Variants in CFTR observed in about 807,000 individuals in gnomAD.
The protein encoded by CFTR is cystic fibrosis transmembrane conductance regulator.
In CFTR, 181 loss-of-function variants were observed where a neutral mutation model predicts 171.6. That is an observed-to-expected ratio of 1.05 (90% CI 0.93 to 1.19). The LOEUF is 1.19. CFTR is among the 50% of genes most tolerant of loss of function. The pLI is 0.00. For missense variants in CFTR, 1,968 were observed against 1,734.7 expected (o/e 1.13, Z -2.39); for synonymous variants, 583 against 608.0 (o/e 0.96, Z 0.60).
intron 11 of CFTR, among the ~76,000 whole-genome samples, chr7:117,572,669 T>A (rs213934): frequency 6.6e-6 from 1 of 151,956 alleles, no homozygotes; most frequent in African/African-American, 2.4e-5. Flanking sequence ...TTCTTTCTAC[T>A]TGTTCCCTCT....
chr7:117,624,793 T>C (rs1426693560), intron 21 of CFTR, among the ~76,000 whole-genome samples: 1 of 152,178 alleles, frequency 6.6e-6, no homozygotes, highest in Non-Finnish European at 1.5e-5. Flanking sequence ...TCCTTAGGCT[T>C]TGGCTTTTGG....
In CFTR at chr7:117,587,759, G is replaced by A. The variant is rs1328112832; in HGVS notation, c.1605G>A (p.Glu535=). 1.9e-6 allele frequency: 3 copies of A among 1,610,222 alleles called. No individual in the cohort carries two copies. Among genetic ancestry groups the A allele is most frequent in the South Asian group, 1.1e-5 (1 of 91,018 alleles). ...QLEEDISKFA[E]KDNIVLGEGG... ...AATAGGACATCTCCAAGTTTGCAGA[G>A]AAAGACAATATAGTTCTTGGAGAAG... The change falls in exon 12 of 27, where the codon GAG becomes GAA. Residue 535 remains glutamate, a synonymous_variant. Coordinates refer to ENST00000003084, the MANE Select transcript of CFTR (RefSeq NM_000492.4).
intron 1 of CFTR, among the ~76,000 whole-genome samples, chr7:117,493,957 A>G (rs1314722829): frequency 1.3e-5 from 2 of 152,130 alleles, no homozygotes; most frequent in South Asian, 2.1e-4. Flanking sequence ...AACATAAACA[A>G]ATGAAGGTGA....
chr7:117,550,469 T>G (rs1216870175), intron 10 of CFTR, among the ~76,000 whole-genome samples: 2 of 152,216 alleles, frequency 1.3e-5, no homozygotes, highest in African/African-American at 4.8e-5. Flanking sequence ...AACATTTTCT[T>G]TCTTAAAATG....
chr7:117,574,071 T>C (rs3808184), intron 11 of CFTR, among the ~76,000 whole-genome samples: 53,250 of 151,856 alleles, frequency 0.35, 9,584 homozygotes, highest in South Asian at 0.42. Flanking sequence ...TATACTTTCA[T>C]GGAAGGGAAG....
chr7:117,665,701 T>C, intron 26 of CFTR, 137 bp downstream of exon 26: 2 of 694,284 alleles, frequency 2.9e-6, no homozygotes, highest in Non-Finnish European at 2.7e-6. Context: ...CATCCAGCTT[T>C]ACTCAAAATA....
chr7:117,631,604 G>C (rs1370559354), intron 22 of CFTR, among the ~76,000 whole-genome samples: 2 of 152,158 alleles, frequency 1.3e-5, no homozygotes, highest in African/African-American at 4.8e-5. Context: ...ACTTTTTGGA[G>C]AGCCTCCAGG....
intron 14 of CFTR, among the ~76,000 whole-genome samples, chr7:117,594,654 G>T (rs1792092245): frequency 6.6e-6 from 1 of 152,066 alleles, no homozygotes; most frequent in Non-Finnish European, 1.5e-5. Context: ...TGGTAAAATT[G>T]TCCAATAATA....
intron 22 of CFTR, 102 bp downstream of exon 22, chr7:117,627,872 T>G: frequency 8.4e-7 from 1 of 1,189,452 alleles, no homozygotes; most frequent in East Asian, 2.4e-5. Flanking sequence ...ACATTATTAT[T>G]GTACAGTAGA....
chr7:117,611,827 C>CT lies in CFTR; in HGVS notation c.3367+22dup. 5 of 1,559,846 alleles carry CT rather than the reference C, an allele frequency of 3.2e-6. No homozygotes were observed. Among genetic ancestry groups the CT allele is most frequent in the Non-Finnish European group, 4.4e-6 (5 of 1,132,712 alleles). On this transcript the variant is annotated intron_variant, in intron 20 of 26. Coordinates refer to ENST00000003084, the MANE Select transcript of CFTR (RefSeq NM_000492.4). ...ACAACAGGTACTATGAACTCATTAA[C>CT]TTTAGCTAAGCATTTAAGTAAAAAA...
chr7:117,519,434 A>G (rs530255043), intron 3 of CFTR, among the ~76,000 whole-genome samples: 1 of 152,222 alleles, frequency 6.6e-6, no homozygotes, highest in East Asian at 1.9e-4. Context: ...GCTTTAGTAT[A>G]TAAGCCAGCA....
intron 11 of CFTR, among the ~76,000 whole-genome samples, chr7:117,571,703 A>G (rs2115974064): frequency 6.6e-6 from 1 of 152,320 alleles, no homozygotes; most frequent in East Asian, 1.9e-4. Context: ...TCTTTTAAAA[A>G]TGCTTGAGTT....
chr7:117,600,776 T>C (rs1584816490), intron 15 of CFTR, among the ~76,000 whole-genome samples: 1 of 152,088 alleles, frequency 6.6e-6, no homozygotes, highest in African/African-American at 2.4e-5. Context: ...CTTTTTACCA[T>C]AATCACCTAT....
At chr7:117,642,289 G>A (rs1792928099) in intron 22 of CFTR, 149 bp from the exon 23 acceptor site, 3 of 786,876 alleles carry the variant, frequency 3.8e-6, no homozygotes, top group South Asian at 3.0e-5. Context: ...TTGAAAGTGT[G>A]CAACAAGGTT....
intron 25 of CFTR, among the ~76,000 whole-genome samples, chr7:117,665,083 C>G (rs188263958): frequency 2.6e-5 from 4 of 152,192 alleles, no homozygotes; most frequent in Non-Finnish European, 5.9e-5. Context: ...ACAAACTCTT[C>G]CCCCTTGTCA....
At chr7:117,654,969 A>G (rs192284505) in intron 24 of CFTR, among the ~76,000 whole-genome samples, 3 of 152,158 alleles carry the variant, frequency 2.0e-5, no homozygotes, top group African/African-American at 2.4e-5. Flanking sequence ...TCATTCTTCC[A>G]TTGTCTTGGA....
chr7:117,611,643 T>G lies in CFTR; in HGVS notation c.3202T>G (p.Phe1068Val). ...SLKGLWTLRAFGRQPYFETLF... is the reference protein window; with the variant it reads ...SLKGLWTLRAVGRQPYFETLF... ...AAAAGGACTATGGACACTTCGTGCC[T>G]TCGGACGGCAGCCTTACTTTGAAAC... is the stretch of plus-strand genomic sequence containing the variant. The change falls in exon 20 of 27, where the codon TTC becomes GTC. Residue 1068 changes from phenylalanine (F) to valine (V), a missense_variant. Physicochemically the swap from Phe to Val is conservative, Grantham distance 50. Coordinates refer to ENST00000003084, the MANE Select transcript of CFTR (RefSeq NM_000492.4). 1 of 1,613,596 alleles carries G rather than the reference T, an allele frequency of 6.2e-7. No individual in the cohort carries two copies. Among genetic ancestry groups the G allele is most frequent in the South Asian group, 1.1e-5 (1 of 91,060 alleles).
intron 3 of CFTR, 131 bp from the exon 4 acceptor site, chr7:117,530,768 C>T: frequency 2.9e-6 from 2 of 691,182 alleles, no homozygotes; most frequent in South Asian, 1.6e-5. Context: ...AAGAGTTTCA[C>T]ATATGGTATG....
chr7:117,535,011 G>A (rs1484231840), intron 5 of CFTR, among the ~76,000 whole-genome samples: 2 of 152,170 alleles, frequency 1.3e-5, no homozygotes, highest in Admixed American at 6.5e-5. Context: ...ATAAAAATAT[G>A]CTTAAAAATG....
Sources: gnomAD v4.1 joint callset for allele counts (sites outside exome capture counted in the v4.1 genomes callset) on GRCh38, gnomAD v4.1.1 for gene constraint, MANE v1.5 for transcripts, NCBI Gene and HGNC (gene_info 2026-07-23, HGNC 2026-07-21) for gene names.